Variants in GRIP2 observed in about 807,000 individuals in gnomAD.
GRIP2 encodes glutamate receptor-interacting protein 2.
A neutral mutation model predicts 108.3 loss-of-function variants in GRIP2; 58 were observed. That is an observed-to-expected ratio of 0.54 (90% CI 0.43 to 0.67). The LOEUF (loss-of-function observed/expected upper bound fraction) is 0.67, where lower values mean the gene tolerates loss of function less well. GRIP2 is among the 30% of genes least tolerant of loss of function. GRIP2 has a pLI of 0.00. For synonymous variants in GRIP2, 586 were observed against 598.2 expected (o/e 0.98, Z 0.30); for missense variants, 1,278 against 1,430.6 (o/e 0.89, Z 1.72).
At chr3:14,574,832 C>T in the GRIP2 span, 1 of 328,948 alleles carries the variant, frequency 3.0e-6, no homozygotes, top group South Asian at 2.7e-5. Flanking sequence ...AAAGAATGTG[C>T]AACATACAAC....
At chr3:14,513,907 C>A in intron 12 of GRIP2, 97 bp from the exon 13 acceptor site, 1 of 1,408,622 alleles carries the variant, frequency 7.1e-7, no homozygotes, top group South Asian at 1.4e-5. Context: ...TGGGTCACAC[C>A]TCCTGGTCTG....
At chr3:14,574,061 CT>C in the GRIP2 span, 1 of 1,504,042 alleles carries the variant, frequency 6.6e-7, no homozygotes, top group African/African-American at 1.4e-5. Flanking sequence ...GCTGCACGTA[CT>C]TGACGTTCTC....
At chr3:14,534,256 C>T (rs1694780155) in intron 1 of GRIP2, among the ~76,000 whole-genome samples, 2 of 152,174 alleles carry the variant, frequency 1.3e-5, no homozygotes, top group Non-Finnish European at 2.9e-5. Context: ...TCCATTTTCC[C>T]CTCTGTAAAA....
chr3:14,507,546 T>C lies in GRIP2; in HGVS notation c.2218+15A>G. The C allele has an allele frequency of 1.2e-6, 2 of 1,610,512 alleles. No homozygotes were observed. Among genetic ancestry groups the C allele is most frequent in the Non-Finnish European group, 1.7e-6 (2 of 1,176,894 alleles). On this transcript the variant is annotated intron_variant, in intron 18 of 23. Coordinates refer to ENST00000621039, the MANE Select transcript of GRIP2 (RefSeq NM_001080423.4). This position sits in a 1 kb window ranked among gnomAD's most constrained non-coding sequence, Gnocchi z 4.6. The stretch of plus-strand genomic sequence containing the variant: ...AACCTGCTGGGTGGCTCCCAGGGGA[T>C]GAAGCGAATCTCACGGTCTAGTTGC...
chr3:14,543,282 G>A (rs773970292), upstream of GRIP2, among the ~76,000 whole-genome samples: 8 of 152,216 alleles, frequency 5.3e-5, no homozygotes, highest in East Asian at 3.9e-4. Flanking sequence ...GCCCAGGCCC[G>A]CCAAATCAAA....
chr3:14,579,956 G>A, the GRIP2 span, among the ~76,000 whole-genome samples: 1 of 152,216 alleles, frequency 6.6e-6, no homozygotes, highest in Non-Finnish European at 1.5e-5. Context: ...GGGGTGATGG[G>A]GTGAGGCTGT....
chr3:14,509,032 G>A (rs1231855056), intron 17 of GRIP2, among the ~76,000 whole-genome samples: 1 of 152,038 alleles, frequency 6.6e-6, no homozygotes, highest in Non-Finnish European at 1.5e-5. Context: ...AGACATTGGG[G>A]TCAGAAGGGT....
chr3:14,510,536 T>C (rs75037852), intron 16 of GRIP2, among the ~76,000 whole-genome samples: 1 of 151,664 alleles, frequency 6.6e-6, no homozygotes, highest in African/African-American at 2.4e-5. Context: ...AAGTGAGGGG[T>C]GTACAGGTAT....
At position 14,521,617 on chromosome 3, in the gene GRIP2, C is replaced by G; in HGVS notation, c.712+25G>C. On this transcript the variant is annotated intron_variant, in intron 7 of 23. Transcript: ENST00000621039. This position sits in a 1 kb window ranked among gnomAD's most constrained non-coding sequence, Gnocchi z 5.1. ...ATCCCAGGCCTCCTCCTGCCCCAAC[C>G]CACACACTCAGGCCCCCAACTCACC... 6.3e-7 allele frequency: 1 copy of G among 1,586,862 alleles called. No homozygotes were observed. The highest frequency in any genetic ancestry group is 8.6e-7 in the Non-Finnish European group (1 of 1,164,302).
At chr3:14,549,547 A>G (rs1229011151) in intron 1 of GRIP2, among the ~76,000 whole-genome samples, 3 of 152,342 alleles carry the variant, frequency 2.0e-5, no homozygotes, top group African/African-American at 7.2e-5. Context: ...CCAACCAGGA[A>G]GAACAAACCA....
chr3:14,513,691 A>C lies in GRIP2; in HGVS notation c.1613T>G (p.Val538Gly). Residue 538 changes from valine (V) to glycine (G), a missense_variant, in exon 13 of 24, where the codon GTG (valine) becomes GGG (glycine). Physicochemically the swap from Val to Gly is moderately radical, Grantham distance 109 (BLOSUM62 -3). Transcript: ENST00000621039. ...CGCCACATCGAACTCCACCTCCAGC[A>C]CGACCTTGTGGGCCAGTGCGGCGTC... ...LRDAALAHKV[V>G]LEVEFDVAES... is the part of the protein sequence containing the mutation. 1.9e-6 allele frequency: 3 copies of C among 1,610,912 alleles called. No homozygotes were observed. The highest frequency in any genetic ancestry group is 2.5e-6 in the Non-Finnish European group (3 of 1,178,746).
intron 1 of GRIP2, among the ~76,000 whole-genome samples, chr3:14,527,391 A>AGAAAG (rs1553599337): frequency 5.8e-4 from 82 of 140,688 alleles, no homozygotes; most frequent in Admixed American, 1.4e-3. Context: ...AGGAAAGGAA[A>AGAAAG]GAAAGGAAAG....
intron 16 of GRIP2, among the ~76,000 whole-genome samples, chr3:14,510,597 A>C (rs539066424): frequency 6.6e-6 from 1 of 152,138 alleles, no homozygotes; most frequent in Non-Finnish European, 1.5e-5. Flanking sequence ...AAAGAAAAGA[A>C]AAGAAATCTA....
intron 1 of GRIP2, among the ~76,000 whole-genome samples, chr3:14,529,593 CTTTG>C (rs1220942114): frequency 6.6e-6 from 1 of 152,026 alleles, no homozygotes; most frequent in Non-Finnish European, 1.5e-5. Context: ...CTCTTGAAAG[CTTTG>C]TTTGATTATT....
chr3:14,572,522 G>A, the GRIP2 span, among the ~76,000 whole-genome samples: 1 of 147,412 alleles, frequency 6.8e-6, no homozygotes, highest in Non-Finnish European at 1.5e-5. Flanking sequence ...TGAGGCAGGA[G>A]AATGGCGTGA....
upstream of GRIP2, among the ~76,000 whole-genome samples, chr3:14,541,399 G>T (rs1212377377): frequency 6.6e-6 from 1 of 152,206 alleles, no homozygotes; most frequent in Non-Finnish European, 1.5e-5. Flanking sequence ...CTGACCGCGT[G>T]GGAACACACG....
the GRIP2 span, among the ~76,000 whole-genome samples, chr3:14,587,126 T>C: frequency 6.6e-6 from 1 of 152,256 alleles, no homozygotes; most frequent in Admixed American, 6.5e-5. Flanking sequence ...TTAAGAGGAT[T>C]TATTTTCTTA....
rs1575012715 is a variant in GRIP2, at chr3:14,521,066, G to C, written c.713-529C>G. ...AGCCTGGTTCAGTCCCTTAGCTCTC[G>C]CTTGGACAGCTGCTGCCGCTTCCTA... On this transcript the variant is annotated intron_variant, in intron 7 of 23. Coordinates refer to ENST00000621039, the MANE Select transcript of GRIP2 (RefSeq NM_001080423.4). This position sits in a 1 kb window ranked among gnomAD's most constrained non-coding sequence, Gnocchi z 5.1. 1 of 168,452 alleles carries C rather than the reference G, an allele frequency of 5.9e-6. No homozygotes were observed. Among genetic ancestry groups the C allele is most frequent in the Admixed American group, 5.7e-5 (1 of 17,620 alleles). 10.4% of individuals were successfully genotyped at this position (168,452 alleles called of 1,614,324 possible). A position where few individuals can be genotyped will look rare whatever the true frequency, so the allele number is the denominator to read the frequency against.
At chr3:14,573,898 T>C in the GRIP2 span, 649 of 1,185,280 alleles carry the variant, frequency 5.5e-4, 1 homozygote, top group Non-Finnish European at 7.3e-4. Flanking sequence ...CAGCCCGACC[T>C]GTCGTTGTGC....
Sources: gnomAD v4.1 joint callset for allele counts (sites outside exome capture counted in the v4.1 genomes callset) on GRCh38, gnomAD v4.1.1 for gene constraint, Gnocchi (gnomAD v3.1) non-coding constraint, MANE v1.5 for transcripts, NCBI Gene and HGNC (gene_info 2026-07-23, HGNC 2026-07-21) for gene names.